Variants in ROBO1 observed in about 807,000 individuals in gnomAD.
ROBO1 encodes roundabout homolog 1.
Under a neutral mutation model 195.9 loss-of-function variants are expected in ROBO1, and 149 were observed. The ratio of observed to expected loss-of-function variants is 0.76; its 90% CI spans 0.67 to 0.87. The LOEUF (loss-of-function observed/expected upper bound fraction) is 0.87, where lower values mean the gene tolerates loss of function less well. Ranked by LOEUF, ROBO1 falls within the 40% of genes least tolerant of loss-of-function variation. The pLI, the probability that ROBO1 is intolerant of heterozygous loss-of-function variation, is 0.00. For synonymous variants in ROBO1, 816 were observed against 733.2 expected, an observed-to-expected ratio of 1.11 and a Z score of -1.82; for missense variants, 1,933 against 2,068.3, an observed-to-expected ratio of 0.93 and a Z score of 1.27.
chr3:78,824,088 GT>G (rs1364439429), intron 4 of ROBO1, among the ~76,000 whole-genome samples: 1 of 152,102 alleles, frequency 6.6e-6, no homozygotes, highest in African/African-American at 2.4e-5. Context: ...GGAATTATTT[GT>G]TTTTATTTCC....
rs890613471 is a variant in ROBO1 at position 78,635,722 on chromosome 3, T to A, written c.3373+51A>T. The A allele has an allele frequency of 2.0e-6, 3 of 1,463,476 alleles. No homozygotes were observed. In the African/African-American group the frequency reaches 4.2e-5, roughly 20 times the overall value. The allele number at this position is 1,463,476 out of a possible 1,614,324, so 90.7% of individuals were successfully genotyped here. A position where few individuals can be genotyped will look rare whatever the true frequency, so the allele number is the denominator to read the frequency against. ...GACAAGTTTCAACATCTAGTCGAGG[T>A]GCTGAGAGTATCATACAGAAACAGA... On this transcript the variant is annotated intron_variant, in intron 23 of 30. Coordinates refer to ENST00000464233, the MANE Select transcript of ROBO1 (RefSeq NM_002941.4).
At chr3:79,722,239 C>T (rs986542626) in intron 1 of ROBO1, among the ~76,000 whole-genome samples, 10 of 152,116 alleles carry the variant, frequency 6.6e-5, no homozygotes, top group Admixed American at 2.6e-4. Flanking sequence ...ACTGGTAGCT[C>T]AAGTATGTAC....
chr3:79,148,626 A>AC (rs1491465260), intron 2 of ROBO1, among the ~76,000 whole-genome samples: 3 of 151,804 alleles, frequency 2.0e-5, no homozygotes, highest in Non-Finnish European at 2.9e-5. Flanking sequence ...ACATTCACGT[A>AC]AGGTCTAATG....
chr3:79,173,622 G>C (rs572095798), intron 2 of ROBO1, among the ~76,000 whole-genome samples: 2 of 152,068 alleles, frequency 1.3e-5, no homozygotes, highest in African/African-American at 4.8e-5. Flanking sequence ...CATGGGCTCC[G>C]GCTCAGCCCG....
intron 2 of ROBO1, among the ~76,000 whole-genome samples, chr3:79,209,156 C>A (rs1173437650): frequency 1.3e-5 from 2 of 152,080 alleles, no homozygotes; most frequent in Non-Finnish European, 2.9e-5. Flanking sequence ...TTATTCCTCA[C>A]CCCCATCTTG....
intron 26 of ROBO1, among the ~76,000 whole-genome samples, chr3:78,624,390 G>A (rs1011010672): frequency 6.6e-6 from 1 of 151,962 alleles, no homozygotes; most frequent in Admixed American, 6.6e-5. Context: ...TTTTATTAGT[G>A]CCCAGTGTTA....
In ROBO1 at chr3:79,144,017, G is replaced by A. The variant is rs113180890; in HGVS notation, c.89-18478C>T. Among the ~76,000 whole-genome samples the A allele has an allele frequency of 6.6e-5, 10 of 151,462 alleles. 1 individual carries two copies. The highest frequency in any genetic ancestry group is 2.2e-4 in the African/African-American group (9 of 41,278). ...TCCAAAGATTTTCGCAGTTTTTTGC[G>A]TGACTCAAGAGTTCATTCCTTTTTA... On this transcript the variant is annotated intron_variant, in intron 2 of 30. Coordinates refer to ENST00000464233, the MANE Select transcript of ROBO1 (RefSeq NM_002941.4).
intron 1 of ROBO1, among the ~76,000 whole-genome samples, chr3:79,649,317 AT>A (rs2106733359): frequency 6.6e-6 from 1 of 152,042 alleles, no homozygotes; most frequent in East Asian, 1.9e-4. Flanking sequence ...TAATAACTAT[AT>A]TTATGTAATG....
chr3:79,066,523 C>A (rs1198476433), intron 3 of ROBO1, among the ~76,000 whole-genome samples: 2 of 151,816 alleles, frequency 1.3e-5, no homozygotes, highest in African/African-American at 4.8e-5. Context: ...ACTGTCATTG[C>A]CACCATATTA....
intron 10 of ROBO1, among the ~76,000 whole-genome samples, chr3:78,681,621 G>T (rs937673014): frequency 6.6e-6 from 1 of 152,116 alleles, no homozygotes; most frequent in Non-Finnish European, 1.5e-5. Context: ...AGACGGAGAA[G>T]CAGCCAGGCG....
chr3:78,659,761 T>C lies in ROBO1; in HGVS notation c.2367A>G (p.Gly789=), dbSNP rs897223454. The stretch of plus-strand genomic sequence containing the variant: ...AACTAACTAGAATTGCAGTTCCGTT[T>C]CCATCATTCTTGGATACAGTTACAC... ...PQGVTVSKND[G]NGTAILVSWQ... The change falls in exon 17 of 31, where the codon GGA becomes GGG. Residue 789 remains glycine, a synonymous_variant. Transcript: ENST00000464233. The C allele has an allele frequency of 2.5e-6, 4 of 1,601,326 alleles. No homozygotes were observed. In the African/African-American group the frequency reaches 5.4e-5, roughly 21 times the overall value.
At chr3:79,216,817 T>A (rs1484237361) in intron 2 of ROBO1, among the ~76,000 whole-genome samples, 1 of 152,020 alleles carries the variant, frequency 6.6e-6, no homozygotes, top group Non-Finnish European at 1.5e-5. Flanking sequence ...TGGGGACATT[T>A]TATCTGCCTT....
intron 2 of ROBO1, among the ~76,000 whole-genome samples, chr3:79,420,052 G>T (rs190864136): frequency 6.6e-6 from 1 of 152,206 alleles, no homozygotes; most frequent in East Asian, 1.9e-4. Context: ...AACTTAAATA[G>T]AAATAACTGT....
intron 1 of ROBO1, among the ~76,000 whole-genome samples, chr3:79,609,964 C>T (rs892832069): frequency 6.6e-6 from 1 of 151,640 alleles, no homozygotes; most frequent in African/African-American, 2.4e-5. Context: ...AATGTAATGC[C>T]TTTGAACTGT....
chr3:78,809,987 TA>T (rs57179877), intron 4 of ROBO1, among the ~76,000 whole-genome samples: 6,134 of 139,672 alleles, frequency 0.044, 123 homozygotes, highest in Middle Eastern at 0.064. Flanking sequence ...TAAAGTATAG[TA>T]AAAAAAAAAA....
intron 3 of ROBO1, among the ~76,000 whole-genome samples, chr3:79,028,722 T>A (rs935501837): frequency 1.3e-5 from 2 of 151,972 alleles, no homozygotes; most frequent in Non-Finnish European, 1.5e-5. Flanking sequence ...AGATCACAGA[T>A]AACTATGAAA....
intron 1 of ROBO1, among the ~76,000 whole-genome samples, chr3:79,703,736 C>T (rs1947688054): frequency 6.6e-6 from 1 of 151,856 alleles, no homozygotes; most frequent in Non-Finnish European, 1.5e-5. Context: ...AGAAACAAAA[C>T]AGTATAGGGA....
rs547431721 is a variant in ROBO1, at chr3:79,735,213, A to G, written c.-51+32539T>C. On this transcript the variant is annotated intron_variant, in intron 1 of 30. Transcript: ENST00000464233. ...GAGGAGTAATGCTTTAAGGCAACTT[A>G]TTACTTCAAATAGGTCTCTAATATC... Among the ~76,000 whole-genome samples the G allele has an allele frequency of 4.6e-5, 7 of 152,296 alleles. No individual in the cohort carries two copies. In the South Asian group the frequency reaches 1.5e-3, roughly 32 times the overall value.
intron 1 of ROBO1, among the ~76,000 whole-genome samples, chr3:79,628,479 G>T (rs73122723): frequency 0.026 from 3,892 of 152,264 alleles, 72 homozygotes; most frequent in Non-Finnish European, 0.04. Flanking sequence ...ATCAGGGCCT[G>T]TTGGGGGATG....
Sources: gnomAD v4.1 joint callset for allele counts (sites outside exome capture counted in the v4.1 genomes callset) on GRCh38, gnomAD v4.1.1 for gene constraint, MANE v1.5 for transcripts, NCBI Gene and HGNC (gene_info 2026-07-23, HGNC 2026-07-21) for gene names.